Variants in EPHA5 observed in about 807,000 individuals in gnomAD.
The protein encoded by EPHA5 is EPH receptor A5, also known as ephrin type-A receptor 5.
In EPHA5, 60 loss-of-function variants were observed where a neutral mutation model predicts 105.0. That is an observed-to-expected ratio of 0.57 (90% CI 0.46 to 0.71). The LOEUF (loss-of-function observed/expected upper bound fraction) is 0.71, where lower values mean the gene tolerates loss of function less well. Among genes scored for constraint, EPHA5 ranks in the 30% least tolerant of loss-of-function variants. The probability of loss-of-function intolerance (pLI) is 0.00; values close to 1 mark genes in which losing one functional copy is unlikely to be tolerated. For missense variants in EPHA5, 1,218 were observed against 1,274.7 expected (o/e 0.96, Z 0.68); for synonymous variants, 513 against 449.1 (o/e 1.14, Z -1.80).
At chr4:65,338,227 A>C (rs1721370015) in intron 14 of EPHA5, among the ~76,000 whole-genome samples, 1 of 152,088 alleles carries the variant, frequency 6.6e-6, no homozygotes, top group South Asian at 2.1e-4. Flanking sequence ...AGATCGATAG[A>C]AGTTTATTTA....
intron 5 of EPHA5, among the ~76,000 whole-genome samples, chr4:65,423,488 A>C (rs566409099): frequency 1.3e-5 from 2 of 151,934 alleles, no homozygotes; most frequent in African/African-American, 4.8e-5. Context: ...AAATTTGTCC[A>C]TTTTTCTTCA....
intron 6 of EPHA5, among the ~76,000 whole-genome samples, chr4:65,414,936 G>A (rs959567581): frequency 1.3e-5 from 2 of 152,150 alleles, no homozygotes; most frequent in Non-Finnish European, 2.9e-5. Flanking sequence ...TAAGAAATTA[G>A]TACTTCACTG....
At chr4:65,603,782 T>C (rs1743966123) in intron 2 of EPHA5, among the ~76,000 whole-genome samples, 1 of 152,150 alleles carries the variant, frequency 6.6e-6, no homozygotes, top group African/African-American at 2.4e-5. Flanking sequence ...CTAAATCTCA[T>C]TTTTGTCCTC....
chr4:65,460,271 A>G (rs1728000367), intron 5 of EPHA5, among the ~76,000 whole-genome samples: 2 of 151,582 alleles, frequency 1.3e-5, no homozygotes, highest in African/African-American at 4.8e-5. Context: ...TTTCAAAACC[A>G]TATTTACATT....
chr4:65,332,112 C>T lies in EPHA5; in HGVS notation c.2806G>A (p.Ala936Thr), dbSNP rs373548243. The T allele has an allele frequency of 5.4e-5, 86 of 1,600,144 alleles. No individual in the cohort carries two copies. The African/African-American group carries it at 1.0e-3, about 19-fold the overall frequency. ...NASCRVSNLL[A>T]EHSPLGSGAY... is the part of the protein sequence containing the mutation. ...CCAGATCCTAGTGGGCTATGTTCTG[C>T]CAATAAATTAGATACTCTAAAACAC... Residue 936 changes from alanine to threonine, a missense_variant, in exon 16 of 17, where the codon GCA becomes ACA. Transcript: ENST00000613740.
At chr4:65,395,435 A>G (rs1721123615) in intron 8 of EPHA5, among the ~76,000 whole-genome samples, 1 of 152,200 alleles carries the variant, frequency 6.6e-6, no homozygotes, top group South Asian at 2.1e-4. Flanking sequence ...AACCTATCTT[A>G]CTTCAAGGGA....
intron 8 of EPHA5, among the ~76,000 whole-genome samples, chr4:65,393,425 T>C (rs1720914032): frequency 6.6e-6 from 1 of 152,178 alleles, no homozygotes; most frequent in Non-Finnish European, 1.5e-5. Flanking sequence ...AAGTCAAATC[T>C]GTGTTCAACA....
intron 3 of EPHA5, among the ~76,000 whole-genome samples, chr4:65,514,027 TC>T: frequency 6.6e-6 from 1 of 152,300 alleles, no homozygotes; most frequent in East Asian, 1.9e-4. Context: ...AATCTTTTTT[TC>T]ATATTCTCTT....
rs1731840661 is a variant in EPHA5, at chr4:65,495,509, G to A, written c.945C>T (p.His315=). The change falls in exon 4 of 17, where the codon CAC becomes CAT. Residue 315 remains histidine, a synonymous_variant. Coordinates refer to ENST00000613740, the MANE Select transcript of EPHA5 (RefSeq NM_001281766.3). ...CRPGFFKASP[H]IQSCGKCPPH... is the part of the protein sequence containing the mutation. ...GTGGACATTTGCCGCAGCTCTGGAT[G>A]TGAGGTGAGGCTTTGAAGAACCCAG... The A allele has an allele frequency of 1.2e-6, 2 of 1,613,776 alleles. No individual in the cohort carries two copies. Among genetic ancestry groups the A allele is most frequent in the Admixed American group, 1.7e-5 (1 of 59,996 alleles).
At chr4:65,404,238 G>A in intron 8 of EPHA5, 136 bp downstream of exon 8, 1 of 641,308 alleles carries the variant, frequency 1.6e-6, no homozygotes, top group South Asian at 1.9e-5. Flanking sequence ...CTCAGGAATT[G>A]CATCATGTAT....
chr4:65,457,618 A>T (rs6551927), intron 5 of EPHA5, among the ~76,000 whole-genome samples: 132,293 of 151,540 alleles, frequency 0.87, 57,984 homozygotes, highest in Middle Eastern at 0.92. Context: ...CTATATATAT[A>T]ATTATTTCTA....
intron 8 of EPHA5, among the ~76,000 whole-genome samples, chr4:65,378,503 C>A (rs1300966192): frequency 2.0e-5 from 3 of 151,932 alleles, no homozygotes; most frequent in African/African-American, 4.8e-5. Context: ...ACTTCTGCCT[C>A]GTTGCAGCAC....
At chr4:65,643,270 A>G in intron 2 of EPHA5, 93 bp downstream of exon 2, 1 of 1,017,002 alleles carries the variant, frequency 9.8e-7, no homozygotes, top group Non-Finnish European at 1.5e-6. Context: ...TCTTAACAAC[A>G]TATACATCCA....
At chr4:65,470,422 C>T (rs970208252) in intron 5 of EPHA5, among the ~76,000 whole-genome samples, 4 of 152,054 alleles carry the variant, frequency 2.6e-5, no homozygotes, top group Admixed American at 1.3e-4. Context: ...AAACTCCTGG[C>T]CTCAAGTGAT....
intron 5 of EPHA5, among the ~76,000 whole-genome samples, chr4:65,476,119 A>T (rs866496172): frequency 0.062 from 7,875 of 126,082 alleles, 250 homozygotes; most frequent in African/African-American, 0.079. Flanking sequence ...AGAGAGAGAG[A>T]GAGAGAGAGT....
rs775641244 is a variant in EPHA5 at position 65,490,672 on chromosome 4, A to T, written c.1107T>A (p.Asn369Lys). ...SAPRNAISNV[N>K]ETSVFLEWIP... Reference sequence around the variant, plus strand: ...TCCATTCCAGAAAGACACTAGTTTCATTAACATTTGAGATGGCATTCCGAG... The same window carrying T: ...TCCATTCCAGAAAGACACTAGTTTCTTTAACATTTGAGATGGCATTCCGAG... The change falls in exon 5 of 17, where the codon AAT becomes AAA. Residue 369 changes from asparagine (N) to lysine (K), a missense_variant. By Grantham distance (94) the Asn-to-Lys change is moderately conservative (BLOSUM62 0). Transcript: ENST00000613740. The T allele has an allele frequency of 1.2e-6, 2 of 1,614,128 alleles. No homozygotes were observed. Among genetic ancestry groups the T allele is most frequent in the Admixed American group, 3.3e-5 (2 of 60,022 alleles).
intron 13 of EPHA5, among the ~76,000 whole-genome samples, chr4:65,348,685 TATATATATATATAA>T (rs570157840): frequency 0.22 from 20,389 of 93,722 alleles, 2,489 homozygotes; most frequent in East Asian, 0.32. Context: ...TATATATATA[TATATATATATATAA>T]AATATATATG....
At chr4:65,592,465 C>T (rs1742758958) in intron 3 of EPHA5, among the ~76,000 whole-genome samples, 1 of 151,064 alleles carries the variant, frequency 6.6e-6, no homozygotes, top group Non-Finnish European at 1.5e-5. Context: ...GAACCTGAAA[C>T]TTTAAAAAGC....
chr4:65,529,696 C>T (rs1296469122), intron 3 of EPHA5, among the ~76,000 whole-genome samples: 2 of 152,050 alleles, frequency 1.3e-5, no homozygotes, highest in African/African-American at 2.4e-5. Context: ...CATAAGTGTG[C>T]TTGCATATAT....
Sources: gnomAD v4.1 joint callset for allele counts (sites outside exome capture counted in the v4.1 genomes callset) on GRCh38, gnomAD v4.1.1 for gene constraint, MANE v1.5 for transcripts, NCBI Gene and HGNC (gene_info 2026-07-23, HGNC 2026-07-21) for gene names.